Variants in MAGI2 observed in about 807,000 individuals in gnomAD.
MAGI2 encodes membrane associated guanylate kinase, WW and PDZ domain containing 2, also known as membrane-associated guanylate kinase, WW and PDZ domain-containing protein 2.
A neutral mutation model predicts 133.3 loss-of-function variants in MAGI2; 35 were observed. That is an observed-to-expected ratio of 0.26 (90% CI 0.20 to 0.35). MAGI2 has a LOEUF of 0.35. Among genes scored for constraint, MAGI2 ranks in the 10% least tolerant of loss-of-function variants. MAGI2 has a pLI of 1.00. For synonymous variants in MAGI2, 729 were observed against 710.6 expected (o/e 1.03, Z -0.41); for missense variants, 1,636 against 1,863.4 (o/e 0.88, Z 2.25).
intron 6 of MAGI2, chr7:78,485,251 A>T (rs2110629): frequency 6.6e-6 from 1 of 151,720 alleles, no homozygotes; most frequent in South Asian, 2.1e-4. Flanking sequence ...CTTGCTAAAC[A>T]GCACTCCCCC....
At chr7:78,808,799 C>T (rs1273701538) in intron 2 of MAGI2, among the ~76,000 whole-genome samples, 1 of 152,138 alleles carries the variant, frequency 6.6e-6, no homozygotes, top group African/African-American at 2.4e-5. Context: ...CCCACTTCCA[C>T]ATCAGCAGAG....
intron 1 of MAGI2, among the ~76,000 whole-genome samples, chr7:79,010,096 T>G (rs1012437799): frequency 2.6e-5 from 4 of 152,084 alleles, no homozygotes; most frequent in Non-Finnish European, 5.9e-5. Flanking sequence ...TTTTTGTGTA[T>G]GTATATATAC....
intron 1 of MAGI2, among the ~76,000 whole-genome samples, chr7:79,394,370 C>A (rs1208400077): frequency 1.3e-5 from 2 of 152,162 alleles, no homozygotes; most frequent in Non-Finnish European, 2.9e-5. Context: ...GGTTAGGCAG[C>A]CTTTTGTCCC....
intron 1 of MAGI2, among the ~76,000 whole-genome samples, chr7:79,129,229 G>A (rs1475631052): frequency 2.6e-5 from 4 of 152,068 alleles, no homozygotes; most frequent in South Asian, 2.1e-4. Flanking sequence ...CATATAACAC[G>A]AAGCCTATTT....
chr7:78,161,682 A>AG lies in MAGI2; in HGVS notation c.2597-1410_2597-1409insC, dbSNP rs986855902. Among the ~76,000 whole-genome samples the AG allele has an allele frequency of 1.0e-4, 15 of 146,088 alleles. No homozygotes were observed. The South Asian group carries it at 1.3e-3, about 13-fold the overall frequency. On this transcript the variant is annotated intron_variant, in intron 15 of 21. Coordinates refer to ENST00000354212, the MANE Select transcript of MAGI2 (RefSeq NM_012301.4). Reference sequence around the variant, plus strand: ...CATCGATACCTAAAAAAAAAAAAAAAAAAAAGAAAAAAAAAAAGCTGTATT... The same window carrying AG: ...CATCGATACCTAAAAAAAAAAAAAAAGAAAAAGAAAAAAAAAAAGCTGTATT...
At chr7:78,527,483 C>T (rs11980592) in intron 3 of MAGI2, among the ~76,000 whole-genome samples, 8,504 of 152,178 alleles carry the variant, frequency 0.056, 454 homozygotes, top group African/African-American at 0.13. Flanking sequence ...GAATATGAAA[C>T]GATTTCAACG....
intron 14 of MAGI2, among the ~76,000 whole-genome samples, chr7:78,172,085 CAG>C (rs889359409): frequency 2.0e-5 from 3 of 152,172 alleles, no homozygotes; most frequent in African/African-American, 7.2e-5. Flanking sequence ...CAGAACAAAA[CAG>C]AACATTTGAT....
chr7:79,158,350 A>G (rs113644912), intron 1 of MAGI2, among the ~76,000 whole-genome samples: 2,450 of 152,240 alleles, frequency 0.016, 70 homozygotes, highest in African/African-American at 0.055. Context: ...AAAAGTGCTT[A>G]AATCAGATAC....
chr7:79,081,374 A>C (rs1472963021), intron 1 of MAGI2, among the ~76,000 whole-genome samples: 1 of 152,198 alleles, frequency 6.6e-6, no homozygotes, highest in South Asian at 2.1e-4. Context: ...TTATGCCTTC[A>C]TATATTTAAA....
intron 6 of MAGI2, among the ~76,000 whole-genome samples, chr7:78,397,397 A>ACACACACC (rs1465475656): frequency 6.8e-6 from 1 of 146,956 alleles, no homozygotes; most frequent in Non-Finnish European, 1.5e-5. Flanking sequence ...ACACACACAC[A>ACACACACC]CCCCTTGTCT....
intron 2 of MAGI2, among the ~76,000 whole-genome samples, chr7:78,639,821 G>T (rs1397525211): frequency 1.3e-5 from 2 of 152,138 alleles, no homozygotes; most frequent in Non-Finnish European, 2.9e-5. Flanking sequence ...TGAGTGGCAT[G>T]GCCTGGCTCC....
chr7:78,865,441 G>A (rs183035916), intron 2 of MAGI2, among the ~76,000 whole-genome samples: 2 of 152,256 alleles, frequency 1.3e-5, no homozygotes, highest in East Asian at 3.9e-4. Context: ...AAACAAAAGG[G>A]GGTGGTTGCT....
intron 1 of MAGI2, among the ~76,000 whole-genome samples, chr7:79,106,780 T>G (rs1818489243): frequency 6.6e-6 from 1 of 152,250 alleles, no homozygotes; most frequent in African/African-American, 2.4e-5. Context: ...GAAATATCAC[T>G]GTTCTTGCTT....
chr7:78,118,796 T>C (rs931135993), intron 20 of MAGI2, among the ~76,000 whole-genome samples: 3 of 152,216 alleles, frequency 2.0e-5, no homozygotes, highest in African/African-American at 7.2e-5. Context: ...TGCTGGTTGT[T>C]TCTTACAAAA....
chr7:79,093,960 C>T (rs543322440), intron 1 of MAGI2, among the ~76,000 whole-genome samples: 8 of 152,196 alleles, frequency 5.3e-5, no homozygotes, highest in African/African-American at 1.9e-4. Context: ...GGTGACCCGC[C>T]TGCCTCAGCC....
At chr7:79,215,270 C>T (rs1208357504) in intron 1 of MAGI2, among the ~76,000 whole-genome samples, 2 of 151,914 alleles carry the variant, frequency 1.3e-5, no homozygotes, top group African/African-American at 2.4e-5. Flanking sequence ...TGAAAGAAAT[C>T]GAAGTATTTT....
chr7:79,320,445 A>G (rs1839091183), intron 1 of MAGI2, among the ~76,000 whole-genome samples: 2 of 152,122 alleles, frequency 1.3e-5, no homozygotes, highest in African/African-American at 4.8e-5. Flanking sequence ...CATAGGTGTA[A>G]CATATGAATG....
At chr7:78,623,240 G>T (rs983427455) in intron 3 of MAGI2, among the ~76,000 whole-genome samples, 1 of 151,854 alleles carries the variant, frequency 6.6e-6, no homozygotes, top group Non-Finnish European at 1.5e-5. Flanking sequence ...TGTTAATCAT[G>T]TTACTCTTTT....
At chr7:79,295,606 G>A (rs1261667994) in intron 1 of MAGI2, among the ~76,000 whole-genome samples, 1 of 151,718 alleles carries the variant, frequency 6.6e-6, no homozygotes, top group African/African-American at 2.4e-5. Context: ...TAGTATGCCT[G>A]TCCAGACACT....
Sources: gnomAD v4.1 joint callset for allele counts (sites outside exome capture counted in the v4.1 genomes callset) on GRCh38, gnomAD v4.1.1 for gene constraint, MANE v1.5 for transcripts, NCBI Gene and HGNC (gene_info 2026-07-23, HGNC 2026-07-21) for gene names.